Variants in DLGAP2 observed in about 807,000 individuals in gnomAD.
DLGAP2 encodes disks large-associated protein 2.
In DLGAP2, 26 loss-of-function variants were observed where a neutral mutation model predicts 100.3. The ratio of observed to expected loss-of-function variants is 0.26; its 90% confidence interval spans 0.19 to 0.36. The LOEUF is 0.36. Ranked by LOEUF, DLGAP2 falls within the 10% of genes least tolerant of loss-of-function variation. The pLI is 1.00. For missense variants in DLGAP2, 1,858 were observed against 1,453.2 expected (o/e 1.28, Z -4.53); for synonymous variants, 886 against 630.1 (o/e 1.41, Z -6.08).
intron 2 of DLGAP2, among the ~76,000 whole-genome samples, chr8:1,090,883 C>A (rs970802457): frequency 2.0e-5 from 3 of 152,180 alleles, no homozygotes; most frequent in African/African-American, 7.2e-5. Flanking sequence ...AAATCATTTT[C>A]TATAATTTCT....
At chr8:1,627,844 C>T (rs35469943) in intron 7 of DLGAP2, among the ~76,000 whole-genome samples, 25 of 134,606 alleles carry the variant, frequency 1.9e-4, no homozygotes, top group Middle Eastern at 4.6e-3. Flanking sequence ...GATTAAGAGC[C>T]TGAGCCGACC....
At chr8:1,425,659 CCT>C (rs1270578493) in intron 3 of DLGAP2, among the ~76,000 whole-genome samples, 5 of 152,148 alleles carry the variant, frequency 3.3e-5, no homozygotes, top group Non-Finnish European at 7.3e-5. Flanking sequence ...CATGTAAACC[CCT>C]GAGACTGCCC....
chr8:1,005,631 G>A (rs1156625568), intron 2 of DLGAP2, among the ~76,000 whole-genome samples: 1 of 151,152 alleles, frequency 6.6e-6, no homozygotes, highest in Non-Finnish European at 1.5e-5. Context: ...TGTTGCCTAG[G>A]CTGGTCTCAA....
At chr8:771,956 G>T (rs927747967) in intron 1 of DLGAP2, among the ~76,000 whole-genome samples, 2 of 152,160 alleles carry the variant, frequency 1.3e-5, no homozygotes, top group East Asian at 3.9e-4. Context: ...AGGCTGGAGT[G>T]CAGTGGCACC....
chr8:1,093,979 G>A (rs1414471079), intron 2 of DLGAP2, among the ~76,000 whole-genome samples: 3 of 152,166 alleles, frequency 2.0e-5, no homozygotes, highest in South Asian at 2.1e-4. Flanking sequence ...CCATGCAGGC[G>A]CTCGTGGATG....
intron 2 of DLGAP2, among the ~76,000 whole-genome samples, chr8:1,041,004 C>T (rs908529790): frequency 6.6e-6 from 1 of 152,164 alleles, no homozygotes; most frequent in African/African-American, 2.4e-5. Context: ...CATACCAAAA[C>T]CTCTACTTTC....
chr8:767,491 G>A (rs1200371347), intron 1 of DLGAP2, among the ~76,000 whole-genome samples: 1 of 151,826 alleles, frequency 6.6e-6, no homozygotes, highest in African/African-American at 2.4e-5. Flanking sequence ...TGGGTAGCTG[G>A]GATTAGAGGC....
At chr8:1,119,793 A>G (rs1795993505) in intron 2 of DLGAP2, among the ~76,000 whole-genome samples, 1 of 152,244 alleles carries the variant, frequency 6.6e-6, no homozygotes, top group East Asian at 1.9e-4. Context: ...AAGTTGTGAG[A>G]GTCACAGTTG....
At position 1,325,077 on chromosome 8, in the gene DLGAP2, T is replaced by A. The variant is rs185179904; in HGVS notation, c.106+66194T>A. 1.5e-3 allele frequency among the ~76,000 whole-genome samples: 225 copies of A among 152,304 alleles called. 1 individual carries two copies. The highest frequency in any genetic ancestry group is 4.9e-3 in the African/African-American group (204 of 41,568). ...CCGATGGATGCTCTGCCTGGCATCC[T>A]TGGCCTCCACCTCACCCAACACTCA... On this transcript the variant is annotated intron_variant, in intron 3 of 14. Transcript: ENST00000637795.
rs779256141 is a variant in DLGAP2 at position 1,632,856 on chromosome 8, C to T, written c.1620C>T (p.Phe540=). 3.5e-5 allele frequency: 57 copies of T among 1,612,810 alleles called. No individual in the cohort carries two copies. The highest frequency in any genetic ancestry group is 2.7e-4 in the Admixed American group (16 of 59,936). The change falls in exon 8 of 15, where the codon TTC becomes TTT. Residue 540 remains phenylalanine, a synonymous_variant. Coordinates refer to ENST00000637795, the MANE Select transcript of DLGAP2 (RefSeq NM_001346810.2). ...QVSEAEINGQ[F]ESVCESVFSE... ...GCGAGGCGGAGATCAATGGGCAATTCGAGTCCGTGTGCGAGTCCGTCTTCA... is the reference window on the plus strand; with the variant it reads ...GCGAGGCGGAGATCAATGGGCAATTTGAGTCCGTGTGCGAGTCCGTCTTCA...
chr8:922,468 G>A (rs1286237773), intron 2 of DLGAP2, among the ~76,000 whole-genome samples: 1 of 152,154 alleles, frequency 6.6e-6, no homozygotes, highest in African/African-American at 2.4e-5. Context: ...AGAAGACTCT[G>A]CACTAAAGGG....
chr8:1,332,939 C>T (rs1160574838), intron 3 of DLGAP2, among the ~76,000 whole-genome samples: 5 of 152,182 alleles, frequency 3.3e-5, no homozygotes. Flanking sequence ...AGAGAGCCCC[C>T]AGCAGCAAGC....
intron 8 of DLGAP2, among the ~76,000 whole-genome samples, chr8:1,664,969 G>A (rs1480911416): frequency 6.6e-6 from 1 of 152,146 alleles, no homozygotes; most frequent in African/African-American, 2.4e-5. Flanking sequence ...CTTTTTGTAC[G>A]CTGGAGGTGA....
At chr8:872,314 G>A (rs1797613429) in intron 1 of DLGAP2, among the ~76,000 whole-genome samples, 2 of 147,006 alleles carry the variant, frequency 1.4e-5, no homozygotes, top group East Asian at 4.1e-4. Flanking sequence ...ACAGAGGAAA[G>A]TTTTCTCTCA....
At chr8:1,221,027 A>G (rs78023020) in intron 2 of DLGAP2, among the ~76,000 whole-genome samples, 149 of 152,336 alleles carry the variant, frequency 9.8e-4, no homozygotes, top group Non-Finnish European at 1.6e-3. Context: ...AAGACAGCGT[A>G]CAGTTGAGTC....
chr8:936,389 C>G (rs1799071777), intron 2 of DLGAP2, among the ~76,000 whole-genome samples: 1 of 152,204 alleles, frequency 6.6e-6, no homozygotes. Flanking sequence ...AGTAGGACCT[C>G]TGATTGCATT....
At chr8:903,075 T>C (rs1220674228) in intron 1 of DLGAP2, among the ~76,000 whole-genome samples, 1 of 150,750 alleles carries the variant, frequency 6.6e-6, no homozygotes, top group Non-Finnish European at 1.5e-5. Context: ...AGACCAGTGT[T>C]GTGGCGCAGC....
Position 775,127 on chromosome 8 carries a change from C to T in DLGAP2, c.18+37302C>T, listed in dbSNP as rs1477916304. On this transcript the variant is annotated intron_variant, in intron 1 of 14. Coordinates refer to ENST00000637795, the MANE Select transcript of DLGAP2 (RefSeq NM_001346810.2). ...TTTGAAGCAATTGTGAATGGGAGTT[C>T]ACTCATGATTTGGCTCTGTGTTTGT... Among the ~76,000 whole-genome samples the T allele has an allele frequency of 2.7e-4, 41 of 152,154 alleles. No homozygotes were observed. The East Asian group carries it at 6.6e-3, about 24-fold the overall frequency.
chr8:1,168,615 A>G (rs1276919129), intron 2 of DLGAP2, among the ~76,000 whole-genome samples: 2 of 148,106 alleles, frequency 1.4e-5, no homozygotes, highest in Admixed American at 6.8e-5. Context: ...TTTGATTTGC[A>G]TTTCTCTGAT....
Sources: gnomAD v4.1 joint callset for allele counts (sites outside exome capture counted in the v4.1 genomes callset) on GRCh38, gnomAD v4.1.1 for gene constraint, MANE v1.5 for transcripts, NCBI Gene and HGNC (gene_info 2026-07-23, HGNC 2026-07-21) for gene names.